CNTN3: variants seen among roughly 807,000 people sequenced by gnomAD.
The protein encoded by CNTN3 is contactin 3.
In CNTN3, 60 loss-of-function variants were observed where a neutral mutation model predicts 119.1. The observed-to-expected ratio is 0.50, with a 90% CI of 0.41 to 0.62. The LOEUF is 0.62. CNTN3 is among the 20% of genes least tolerant of loss of function. The pLI, the probability that CNTN3 is intolerant of heterozygous loss-of-function variation, is 0.00. For synonymous variants in CNTN3, 450 were observed against 438.7 expected (o/e 1.03, Z -0.32); for missense variants, 1,101 against 1,242.4 (o/e 0.89, Z 1.71).
intron 5 of CNTN3, among the ~76,000 whole-genome samples, chr3:74,383,053 T>C (rs1704660703): frequency 6.6e-6 from 1 of 152,230 alleles, no homozygotes; most frequent in Non-Finnish European, 1.5e-5. Flanking sequence ...CAGAGTCTAA[T>C]TCAGAGTCTC....
At chr3:74,479,847 A>G (rs553576961) in intron 4 of CNTN3, among the ~76,000 whole-genome samples, 18 of 152,088 alleles carry the variant, frequency 1.2e-4, no homozygotes, top group Non-Finnish European at 2.5e-4. Flanking sequence ...AACTAACAGA[A>G]TATCTGATTA....
chr3:74,317,421 T>C (rs1017321473), intron 13 of CNTN3, among the ~76,000 whole-genome samples: 1 of 152,230 alleles, frequency 6.6e-6, no homozygotes, highest in Non-Finnish European at 1.5e-5. Context: ...TGATGCAGTT[T>C]CTTCCTAGCC....
At chr3:74,567,494 G>C (rs1362564518) in intron 1 of CNTN3, among the ~76,000 whole-genome samples, 1 of 151,832 alleles carries the variant, frequency 6.6e-6, no homozygotes, top group Non-Finnish European at 1.5e-5. Context: ...AGATGACTAT[G>C]AAATAGCTGA....
chr3:74,301,790 G>A lies in CNTN3; in HGVS notation c.1802C>T (p.Pro601Leu). The A allele has an allele frequency of 6.2e-7, 1 of 1,613,886 alleles. No homozygotes were observed. The part of the protein sequence containing the change: ...DLIVRGSPGP[P>L]ENVKVDEITD... The stretch of plus-strand genomic sequence containing the variant: ...AATTTCATCTACCTTCACATTTTCT[G>A]GTGGTCCAGGTGAACCTAAGGAAGG... The change falls in exon 15 of 23, where the codon CCA becomes CTA. Residue 601 changes from proline (P) to leucine (L), a missense_variant. Coordinates refer to ENST00000263665, the MANE Select transcript of CNTN3 (RefSeq NM_020872.3).
intron 20 of CNTN3, among the ~76,000 whole-genome samples, chr3:74,275,039 A>G (rs1299514291): frequency 6.6e-6 from 1 of 152,194 alleles, no homozygotes; most frequent in African/African-American, 2.4e-5. Context: ...AGAATTGAAC[A>G]AGTAGAAGAA....
chr3:74,612,032 GAT>G (rs1174759242), intron 1 of CNTN3, among the ~76,000 whole-genome samples: 1 of 152,100 alleles, frequency 6.6e-6, no homozygotes, highest in Non-Finnish European at 1.5e-5. Context: ...ACAGTATAGC[GAT>G]ATACAGATCT....
intron 11 of CNTN3, among the ~76,000 whole-genome samples, chr3:74,352,547 T>C (rs1358094675): frequency 6.6e-6 from 1 of 152,212 alleles, no homozygotes; most frequent in Non-Finnish European, 1.5e-5. Flanking sequence ...TCCACTGTAA[T>C]TGATGGTTTA....
chr3:74,443,146 G>T (rs1701994216), intron 4 of CNTN3, among the ~76,000 whole-genome samples: 1 of 152,146 alleles, frequency 6.6e-6, no homozygotes, highest in Admixed American at 6.6e-5. Context: ...TTAAGGAGAA[G>T]GTCCTGGGTT....
intron 5 of CNTN3, among the ~76,000 whole-genome samples, chr3:74,398,005 G>C (rs1575687428): frequency 6.6e-6 from 1 of 152,280 alleles, no homozygotes; most frequent in Non-Finnish European, 1.5e-5. Context: ...GTTGCTTCTT[G>C]TAGATAAGCA....
At chr3:74,385,883 T>C (rs1045318935) in intron 5 of CNTN3, among the ~76,000 whole-genome samples, 2 of 152,224 alleles carry the variant, frequency 1.3e-5, no homozygotes, top group South Asian at 4.1e-4. Context: ...AACTTTTGGG[T>C]ATCACGTAGT....
chr3:74,454,756 C>A (rs1452286537), intron 4 of CNTN3, among the ~76,000 whole-genome samples: 1 of 151,976 alleles, frequency 6.6e-6, no homozygotes, highest in Non-Finnish European at 1.5e-5. Flanking sequence ...GATTTTATTT[C>A]TCCTTCACTT....
At chr3:74,395,029 G>A (rs1412277539) in intron 5 of CNTN3, among the ~76,000 whole-genome samples, 2 of 152,002 alleles carry the variant, frequency 1.3e-5, no homozygotes, top group Admixed American at 6.6e-5. Context: ...TTAATCTAAT[G>A]ATTTTTTTTA....
intron 13 of CNTN3, among the ~76,000 whole-genome samples, chr3:74,303,788 AAAAGCTCAATGT>A (rs1348965846): frequency 5.9e-5 from 9 of 152,216 alleles, no homozygotes; most frequent in African/African-American, 2.2e-4. Context: ...TTATATTTCT[AAAAGCTCAATGT>A]TAAATGGACC....
At chr3:74,455,501 G>T (rs7429597) in intron 4 of CNTN3, among the ~76,000 whole-genome samples, 29,921 of 151,992 alleles carry the variant, frequency 0.2, 3,628 homozygotes, top group East Asian at 0.46. Context: ...CTCTCGACTC[G>T]TCAAAGTCAT....
chr3:74,478,066 G>T (rs1339817146), intron 4 of CNTN3, among the ~76,000 whole-genome samples: 2 of 151,956 alleles, frequency 1.3e-5, no homozygotes, highest in Non-Finnish European at 2.9e-5. Context: ...AGTCTATAAA[G>T]GCATAAACCC....
At chr3:74,584,894 C>T (rs777942432) in intron 1 of CNTN3, among the ~76,000 whole-genome samples, 8 of 152,128 alleles carry the variant, frequency 5.3e-5, no homozygotes, top group Non-Finnish European at 1.2e-4. Flanking sequence ...ACAACCCTGG[C>T]TCTTTCCATC....
intron 1 of CNTN3, among the ~76,000 whole-genome samples, chr3:74,581,809 T>C (rs1259815471): frequency 2.0e-5 from 3 of 152,150 alleles, no homozygotes; most frequent in Non-Finnish European, 2.9e-5. Context: ...ACCCCACTAT[T>C]AGGTCTTTTC....
At chr3:74,420,494 T>C (rs1209071724) in intron 5 of CNTN3, among the ~76,000 whole-genome samples, 5 of 152,208 alleles carry the variant, frequency 3.3e-5, no homozygotes, top group Non-Finnish European at 7.3e-5. Flanking sequence ...TAAAAGGAGA[T>C]TTTAACACAA....
intron 5 of CNTN3, among the ~76,000 whole-genome samples, chr3:74,393,493 C>T (rs1231749417): frequency 6.6e-6 from 1 of 152,198 alleles, no homozygotes; most frequent in East Asian, 1.9e-4. Flanking sequence ...CCTTCCCTTT[C>T]TTGATGATTT....
Sources: allele counts gnomAD v4.1 joint callset (sites outside exome capture counted in the v4.1 genomes callset), GRCh38; gene constraint gnomAD v4.1.1; transcripts MANE v1.5; gene names NCBI Gene and HGNC (gene_info 2026-07-23, HGNC 2026-07-21).